TEKT1: variants seen among roughly 807,000 people sequenced by gnomAD.
TEKT1 encodes the protein tektin-1.
A neutral mutation model predicts 34.8 loss-of-function variants in TEKT1; 32 were observed. That is an observed-to-expected ratio of 0.92 (90% CI 0.69 to 1.23). TEKT1 has a LOEUF of 1.23. Ranked by LOEUF, TEKT1 falls within the 50% of genes most tolerant of loss-of-function variation. TEKT1 has a pLI of 0.00. For missense variants in TEKT1, 492 were observed against 518.5 expected, an observed-to-expected ratio of 0.95 and a Z score of 0.50; for synonymous variants, 207 against 199.8, an observed-to-expected ratio of 1.04 and a Z score of -0.30.
chr17:6,829,046 G>A (rs1749602707), intron 2 of TEKT1, among the ~76,000 whole-genome samples: 1 of 152,128 alleles, frequency 6.6e-6, no homozygotes, highest in Non-Finnish European at 1.5e-5. Flanking sequence ...AGCTACTCAG[G>A]AGGCTGAGGC....
chr17:6,810,113 G>C (rs900394008), intron 6 of TEKT1, among the ~76,000 whole-genome samples: 5 of 152,218 alleles, frequency 3.3e-5, no homozygotes, highest in Non-Finnish European at 5.9e-5. Context: ...ATCAATGAAT[G>C]AGAGTTCCTG....
At chr17:6,806,720 C>T (rs1976849477) in intron 6 of TEKT1, among the ~76,000 whole-genome samples, 1 of 152,164 alleles carries the variant, frequency 6.6e-6, no homozygotes, top group Non-Finnish European at 1.5e-5. Context: ...TTTTCCTTCA[C>T]TTATAATGCT....
intron 6 of TEKT1, among the ~76,000 whole-genome samples, chr17:6,804,722 A>G (rs368056885): frequency 6.6e-6 from 1 of 152,084 alleles, no homozygotes; most frequent in Non-Finnish European, 1.5e-5. Flanking sequence ...AGATAATCAT[A>G]TGGTTTTTGT....
chr17:6,813,593 T>C (rs111421259), intron 5 of TEKT1, among the ~76,000 whole-genome samples: 1,154 of 115,312 alleles, frequency 0.01, 17 homozygotes, highest in African/African-American at 0.034. Flanking sequence ...CACACACACA[T>C]ATCTAGTATA....
Position 6,800,049 on chromosome 17 carries a change from AGGCCCCCAGCCCAGACCCCATG to A in TEKT1, c.1213_1234del (p.His405SerfsTer17). 1 of 1,610,310 alleles carries A rather than the reference AGGCCCCCAGCCCAGACCCCATG, an allele frequency of 6.2e-7. No individual in the cohort carries two copies. The highest frequency in any genetic ancestry group is 8.5e-7 in the Non-Finnish European group (1 of 1,179,970). On this transcript the variant is annotated frameshift_variant, in exon 8 of 8. Transcript: ENST00000338694. LOFTEE classifies it high-confidence loss of function. ...CTATTAGCAGACAGCATCAGGGCGGAGGCCCCCAGCCCAGACCCCATGGTCTTCCCCATCCCGAAGTGGGATG... is the reference window on the plus strand; with the variant it reads ...CTATTAGCAGACAGCATCAGGGCGGAGTCTTCCCCATCCCGAAGTGGGATG...
chr17:6,812,905 C>G lies in TEKT1; in HGVS notation c.778G>C (p.Val260Leu), dbSNP rs765596125. 6.2e-7 allele frequency: 1 copy of G among 1,614,210 alleles called. No homozygotes were observed. Among genetic ancestry groups the G allele is most frequent in the South Asian group, 1.1e-5 (1 of 91,088 alleles). The change falls in exon 6 of 8, where the codon GTG (valine) becomes CTG (leucine). Residue 260 changes from valine to leucine, a missense_variant. Transcript: ENST00000338694. ...ANDLRKQCDV[V>L]DTAFKNGLKD... Reference sequence around the variant, plus strand: ...AGCCCATTCTTGAATGCCGTGTCCACCACATCACACTGCTTGCGCAGATCA... The same window carrying G: ...AGCCCATTCTTGAATGCCGTGTCCAGCACATCACACTGCTTGCGCAGATCA...
intron 6 of TEKT1, among the ~76,000 whole-genome samples, chr17:6,809,097 T>G (rs1398632191): frequency 6.6e-6 from 1 of 152,244 alleles, no homozygotes; most frequent in African/African-American, 2.4e-5. Flanking sequence ...TCCTTATTAT[T>G]AGCATCTTCC....
At chr17:6,826,505 T>C (rs542608541) in intron 2 of TEKT1, among the ~76,000 whole-genome samples, 15 of 152,214 alleles carry the variant, frequency 9.9e-5, no homozygotes, top group Non-Finnish European at 1.6e-4. Context: ...TCAGGCCTGC[T>C]TAAGAATAAG....
rs966699721 is a variant in TEKT1, at chr17:6,811,637, A to T, written c.852+1194T>A. The stretch of plus-strand genomic sequence containing the variant: ...CACATCACAGAAATAAATCTTGTCC[A>T]CAACTGGACTCTGAGCTCTGGGAGG... On this transcript the variant is annotated intron_variant, in intron 6 of 7. Coordinates refer to ENST00000338694, the MANE Select transcript of TEKT1 (RefSeq NM_053285.2). The surrounding 1 kb of genome is among the most constrained non-coding windows in gnomAD (Gnocchi z 4.4). 1.3e-5 allele frequency among the ~76,000 whole-genome samples: 2 copies of T among 152,078 alleles called. No homozygotes were observed. Among genetic ancestry groups the T allele is most frequent in the African/African-American group, 4.8e-5 (2 of 41,410 alleles).
At chr17:6,815,419 G>T in intron 4 of TEKT1, 113 bp from the exon 5 acceptor site, 1 of 1,266,660 alleles carries the variant, frequency 7.9e-7, no homozygotes, top group Non-Finnish European at 1.1e-6. Flanking sequence ...CAGGATGATG[G>T]TACTGCCCCC....
intron 3 of TEKT1, among the ~76,000 whole-genome samples, chr17:6,818,859 C>A (rs983174214): frequency 2.0e-5 from 3 of 152,140 alleles, no homozygotes; most frequent in Admixed American, 6.5e-5. Context: ...CCATTCCAAC[C>A]CTGGACTGAC....
chr17:6,806,889 C>G (rs1448409964), intron 6 of TEKT1, among the ~76,000 whole-genome samples: 1 of 152,184 alleles, frequency 6.6e-6, no homozygotes, highest in Non-Finnish European at 1.5e-5. Flanking sequence ...TTCTCTCTGG[C>G]TGCCCTTAAC....
rs1047786973 is a variant in TEKT1 at position 6,799,957 on chromosome 17, A to G, written c.*70T>C. 2.1e-6 allele frequency: 3 copies of G among 1,449,852 alleles called. No homozygotes were observed. The highest frequency in any genetic ancestry group is 2.8e-6 in the Non-Finnish European group (3 of 1,090,876). The allele number at this position is 1,449,852 out of a possible 1,614,324, so 89.8% of individuals were successfully genotyped here. ...TGGCTAGAGGCCCCGCCAGCCTGAAATGAGAGCTCTGTACTACTGTAACTA... is the reference window on the plus strand; with the variant it reads ...TGGCTAGAGGCCCCGCCAGCCTGAAGTGAGAGCTCTGTACTACTGTAACTA... On this transcript the variant is annotated 3_prime_UTR_variant, in exon 8 of 8. Coordinates refer to ENST00000338694, the MANE Select transcript of TEKT1 (RefSeq NM_053285.2).
Position 6,830,167 on chromosome 17 carries a change from T to C in TEKT1, c.190+20A>G. ...CCTCATCCTAGCATGTTCACGAATA[T>C]GCCAAGCATGTTGTCTTACCTAGTT... On this transcript the variant is annotated intron_variant, in intron 2 of 7. Transcript: ENST00000338694. 6.2e-7 allele frequency: 1 copy of C among 1,601,750 alleles called. No individual in the cohort carries two copies.
At chr17:6,825,031 G>A (rs1904357072) in intron 2 of TEKT1, among the ~76,000 whole-genome samples, 1 of 152,048 alleles carries the variant, frequency 6.6e-6, no homozygotes, top group African/African-American at 2.4e-5. Flanking sequence ...AGAGAGAAGA[G>A]AAGAAAAAGC....
intron 5 of TEKT1, chr17:6,814,847 AG>A (rs5819128): frequency 0.24 from 49,923 of 211,064 alleles, 7,606 homozygotes; most frequent in African/African-American, 0.49. Flanking sequence ...CAAAAAAAAA[AG>A]GGGGGGGGAA....
At chr17:6,806,397 C>T (rs1445002406) in intron 6 of TEKT1, among the ~76,000 whole-genome samples, 1 of 152,168 alleles carries the variant, frequency 6.6e-6, no homozygotes, top group Non-Finnish European at 1.5e-5. Flanking sequence ...ATACAGCACA[C>T]TGATGGGTCT....
intron 6 of TEKT1, among the ~76,000 whole-genome samples, chr17:6,806,147 GC>G: frequency 6.6e-6 from 1 of 152,260 alleles, no homozygotes; most frequent in South Asian, 2.1e-4. Flanking sequence ...GAATCTGGGT[GC>G]TCCTGTATTG....
intron 2 of TEKT1, among the ~76,000 whole-genome samples, chr17:6,821,803 G>GAAGCAA (rs1717520715): frequency 6.6e-6 from 1 of 152,204 alleles, no homozygotes; most frequent in Non-Finnish European, 1.5e-5. Flanking sequence ...ATTGGGAACT[G>GAAGCAA]AAGCAAAGTT....
Sources: gnomAD v4.1 joint callset for allele counts (sites outside exome capture counted in the v4.1 genomes callset) on GRCh38, gnomAD v4.1.1 for gene constraint, Gnocchi (gnomAD v3.1) non-coding constraint, MANE v1.5 for transcripts, NCBI Gene and HGNC (gene_info 2026-07-23, HGNC 2026-07-21) for gene names.